Variants in LRBA observed in about 807,000 individuals in gnomAD.
LRBA encodes the protein lipopolysaccharide-responsive and beige-like anchor protein.
In LRBA, 176 loss-of-function variants were observed where a neutral mutation model predicts 330.0. That is an observed-to-expected ratio of 0.53 (90% CI 0.47 to 0.60). LRBA has a LOEUF of 0.60. Ranked by LOEUF, LRBA falls within the 20% of genes least tolerant of loss-of-function variation. The pLI, the probability that LRBA is intolerant of heterozygous loss-of-function variation, is 0.00. For missense variants in LRBA, 3,259 were observed against 3,444.8 expected, an observed-to-expected ratio of 0.95 and a Z score of 1.35; for synonymous variants, 1,230 against 1,193.0, an observed-to-expected ratio of 1.03 and a Z score of -0.64.
chr4:150,914,444 T>A, intron 8 of LRBA, 103 bp from the exon 9 acceptor site: 1 of 702,894 alleles, frequency 1.4e-6, no homozygotes, highest in Non-Finnish European at 2.2e-6. Flanking sequence ...CTAAACTGTA[T>A]CTAAATAGAC....
chr4:150,908,056 C>CA (rs1255824469), intron 11 of LRBA, among the ~76,000 whole-genome samples: 3 of 151,822 alleles, frequency 2.0e-5, no homozygotes, highest in East Asian at 1.9e-4. Context: ...TTAATTTAGA[C>CA]AAAAAAATGT....
At chr4:150,714,382 GT>G (rs1213861288) in intron 36 of LRBA, among the ~76,000 whole-genome samples, 1 of 151,980 alleles carries the variant, frequency 6.6e-6, no homozygotes, top group Non-Finnish European at 1.5e-5. Flanking sequence ...TTATTATCTA[GT>G]TTTAACGATG....
intron 33 of LRBA, among the ~76,000 whole-genome samples, chr4:150,798,356 A>T (rs999801080): frequency 6.6e-6 from 1 of 152,234 alleles, no homozygotes; most frequent in Non-Finnish European, 1.5e-5. Flanking sequence ...CTTTCAAAAT[A>T]CTAAAACATT....
At chr4:150,267,388 A>C (rs1745481505) in intron 56 of LRBA, among the ~76,000 whole-genome samples, 1 of 152,118 alleles carries the variant, frequency 6.6e-6, no homozygotes, top group African/African-American at 2.4e-5. Flanking sequence ...GGTAAACTAG[A>C]AAATTCACAA....
intron 36 of LRBA, among the ~76,000 whole-genome samples, chr4:150,692,054 T>C (rs1784186505): frequency 6.6e-6 from 1 of 152,158 alleles, no homozygotes; most frequent in Non-Finnish European, 1.5e-5. Context: ...CCACAGTGGA[T>C]CACAGGGGAA....
chr4:150,952,013 C>T (rs927458443), intron 2 of LRBA, among the ~76,000 whole-genome samples: 2 of 152,132 alleles, frequency 1.3e-5, no homozygotes, highest in East Asian at 3.8e-4. Flanking sequence ...GATATCACAC[C>T]TTGCTGTTTG....
chr4:150,820,760 C>G (rs1745316676), intron 30 of LRBA, among the ~76,000 whole-genome samples: 1 of 151,880 alleles, frequency 6.6e-6, no homozygotes, highest in Non-Finnish European at 1.5e-5. Context: ...CAATCATTGT[C>G]ATTATTACTA....
intron 2 of LRBA, chr4:151,014,204 G>C (rs980196661): frequency 2.9e-5 from 14 of 479,696 alleles, no homozygotes; most frequent in Non-Finnish European, 4.1e-5. Flanking sequence ...TAGCACAAAA[G>C]TGATGTGTTC....
chr4:150,957,533 G>A (rs1224047842), intron 2 of LRBA, among the ~76,000 whole-genome samples: 1 of 148,132 alleles, frequency 6.8e-6, no homozygotes, highest in East Asian at 1.9e-4. Context: ...ATATCATTCT[G>A]CCCACGGCCC....
At chr4:150,777,964 C>T (rs895969852) in intron 34 of LRBA, among the ~76,000 whole-genome samples, 8 of 90,760 alleles carry the variant, frequency 8.8e-5, no homozygotes, top group South Asian at 4.4e-4. Context: ...CAGAGTGAGA[C>T]TCTGTTTCAA....
chr4:150,275,642 C>A (rs1333680977), intron 56 of LRBA, among the ~76,000 whole-genome samples: 2 of 152,140 alleles, frequency 1.3e-5, no homozygotes, highest in Non-Finnish European at 2.9e-5. Flanking sequence ...CAATAACAGA[C>A]AAACAGCCAA....
chr4:150,800,828 A>G (rs1432177415), intron 33 of LRBA, among the ~76,000 whole-genome samples: 1 of 152,208 alleles, frequency 6.6e-6, no homozygotes, highest in East Asian at 1.9e-4. Context: ...AAGGTAGAAA[A>G]TGTTAGTCTT....
At chr4:150,650,646 G>A (rs1016583215) in intron 37 of LRBA, among the ~76,000 whole-genome samples, 11 of 152,152 alleles carry the variant, frequency 7.2e-5, no homozygotes, top group African/African-American at 2.6e-4. Context: ...AAAAGTTTCT[G>A]GTCAGATAGT....
At chr4:150,627,860 C>G (rs899939824) in intron 37 of LRBA, among the ~76,000 whole-genome samples, 1 of 151,916 alleles carries the variant, frequency 6.6e-6, no homozygotes, top group Non-Finnish European at 1.5e-5. Flanking sequence ...AATATGTTTC[C>G]CCTTCTACTT....
chr4:150,933,696 T>C (rs1734756606), intron 2 of LRBA, among the ~76,000 whole-genome samples: 4 of 64,314 alleles, frequency 6.2e-5, no homozygotes, highest in Middle Eastern at 0.015. Flanking sequence ...ATATTACTTA[T>C]TTCAAAAAAA....
At chr4:150,953,805 G>T (rs1038831079) in intron 2 of LRBA, among the ~76,000 whole-genome samples, 3 of 149,834 alleles carry the variant, frequency 2.0e-5, no homozygotes, top group South Asian at 4.3e-4. Flanking sequence ...AGTGAGAAGC[G>T]TCTCTGCCCG....
At chr4:150,954,817 C>CAAAAAAAAAAAAAAAAAAAAAAAAA (rs34282784) in intron 2 of LRBA, among the ~76,000 whole-genome samples, 1 of 45,532 alleles carries the variant, frequency 2.2e-5, no homozygotes, top group Non-Finnish European at 3.6e-5. Flanking sequence ...ACTCAGAAAT[C>CAAAAAAAAAAAAAAAAAAAAAAAAA]AAAAAAAAAA....
At chr4:150,354,656 C>T (rs1737593214) in intron 47 of LRBA, among the ~76,000 whole-genome samples, 2 of 151,912 alleles carry the variant, frequency 1.3e-5, no homozygotes, top group Non-Finnish European at 2.9e-5. Context: ...TGAAGCCTCA[C>T]ACGAATGTTC....
chr4:150,581,315 C>G, intron 40 of LRBA: 1 of 445,340 alleles, frequency 2.2e-6, no homozygotes, highest in South Asian at 1.6e-5. Context: ...TATAAACCCT[C>G]ACCTTATATC....
Sources: allele counts gnomAD v4.1 joint callset (sites outside exome capture counted in the v4.1 genomes callset), GRCh38; gene constraint gnomAD v4.1.1; transcripts MANE v1.5; gene names NCBI Gene and HGNC (gene_info 2026-07-23, HGNC 2026-07-21).